Variants in RAP1GAP2 observed in about 807,000 individuals in gnomAD.
The protein encoded by RAP1GAP2 is rap1 GTPase-activating protein 2.
In RAP1GAP2, 27 loss-of-function variants were observed where a neutral mutation model predicts 95.0. The ratio of observed to expected loss-of-function variants is 0.28; its 90% CI spans 0.21 to 0.39. The LOEUF is 0.39. Among genes scored for constraint, RAP1GAP2 ranks in the 10% least tolerant of loss-of-function variants. The pLI, the probability that RAP1GAP2 is intolerant of heterozygous loss-of-function variation, is 1.00. For synonymous variants in RAP1GAP2, 373 were observed against 380.9 expected (o/e 0.98, Z 0.24); for missense variants, 771 against 970.0 (o/e 0.79, Z 2.72).
At chr17:2,781,591 CGTCTCTGTGTGTGCAG>C (rs1477820681) in intron 1 of RAP1GAP2, among the ~76,000 whole-genome samples, 16 of 111,760 alleles carry the variant, frequency 1.4e-4, no homozygotes, top group South Asian at 5.9e-4. Flanking sequence ...TGTGTGGGCA[CGTCTCTGTGTGTGCAG>C]GTCTCTGTGT....
chr17:2,830,758 C>G (rs894655273), intron 2 of RAP1GAP2, among the ~76,000 whole-genome samples: 2 of 151,862 alleles, frequency 1.3e-5, no homozygotes, highest in Non-Finnish European at 2.9e-5. Context: ...AGATTTTGAA[C>G]AGTAAATGTA....
chr17:2,941,738 G>A (rs2043507850), intron 3 of RAP1GAP2, among the ~76,000 whole-genome samples: 1 of 148,178 alleles, frequency 6.7e-6, no homozygotes, highest in South Asian at 2.2e-4. Context: ...GTGTGATCTC[G>A]GCTCACCGCA....
At chr17:2,949,299 CTG>C (rs377277852) in intron 3 of RAP1GAP2, among the ~76,000 whole-genome samples, 21 of 152,378 alleles carry the variant, frequency 1.4e-4, no homozygotes, top group African/African-American at 5.0e-4. Context: ...TTACATGCCT[CTG>C]TGAAAATCCA....
In RAP1GAP2 at chr17:2,857,618, G is replaced by A. The variant is rs1262968941; in HGVS notation, c.81-47666G>A. ...AAAAGCAGTGGCGTGTCTGAGAGGG[G>A]ATTGGGTTTGAGTATGGCTCCCAGG... On this transcript the variant is annotated intron_variant, in intron 2 of 24. Coordinates refer to ENST00000254695, the MANE Select transcript of RAP1GAP2 (RefSeq NM_015085.5). This position sits in a 1 kb window ranked among gnomAD's most constrained non-coding sequence, Gnocchi z 4.0. Among the ~76,000 whole-genome samples the A allele has an allele frequency of 6.6e-6, 1 of 152,204 alleles. No homozygotes were observed. The highest frequency in any genetic ancestry group is 2.4e-5 in the African/African-American group (1 of 41,432).
At chr17:2,851,451 T>C (rs1367753254) in intron 2 of RAP1GAP2, among the ~76,000 whole-genome samples, 1 of 152,092 alleles carries the variant, frequency 6.6e-6, no homozygotes, top group Non-Finnish European at 1.5e-5. Context: ...TGTGATGGGC[T>C]GTGGGGGCTG....
chr17:2,873,105 A>C (rs1349657741), intron 2 of RAP1GAP2, among the ~76,000 whole-genome samples: 3 of 150,660 alleles, frequency 2.0e-5, no homozygotes, highest in African/African-American at 7.3e-5. Context: ...TTTGTCTGAA[A>C]AAAAAAAAAA....
At chr17:2,975,047 G>C (rs988238528) in intron 8 of RAP1GAP2, among the ~76,000 whole-genome samples, 11 of 152,146 alleles carry the variant, frequency 7.2e-5, no homozygotes, top group Admixed American at 5.9e-4. Flanking sequence ...TGGCCAACAT[G>C]GCGAAACCCC....
At chr17:2,954,018 C>T (rs140400898) in intron 3 of RAP1GAP2, among the ~76,000 whole-genome samples, 1,781 of 152,234 alleles carry the variant, frequency 0.012, 35 homozygotes, top group African/African-American at 0.035. Context: ...CTTAAGCAAG[C>T]GCTCATCTTC....
rs769986685 is a variant in RAP1GAP2, at chr17:3,026,259, G to A, written c.1866-91G>A. ...AACACAAAGGCCGACGGGTGGGGGC[G>A]TGGGGAGCCGCCAGAGGTCCCGGGG... On this transcript the variant is annotated intron_variant, in intron 20 of 24. Transcript: ENST00000254695. The A allele has an allele frequency of 1.4e-5, 18 of 1,325,778 alleles. No individual in the cohort carries two copies. The Admixed American group carries it at 2.0e-4, about 15-fold the overall frequency. 82.1% of individuals were successfully genotyped at this position (1,325,778 alleles called of 1,614,324 possible). A position where few individuals can be genotyped will look rare whatever the true frequency, so the allele number is the denominator to read the frequency against.
intron 14 of RAP1GAP2, among the ~76,000 whole-genome samples, chr17:3,002,586 G>T (rs1400949266): frequency 1.3e-5 from 2 of 152,230 alleles, no homozygotes; most frequent in Admixed American, 6.5e-5. Context: ...AGGCTCAGGG[G>T]CTGTGGCAAA....
intron 2 of RAP1GAP2, among the ~76,000 whole-genome samples, chr17:2,828,310 C>T (rs1381645318): frequency 1.3e-5 from 2 of 151,442 alleles, no homozygotes; most frequent in African/African-American, 2.4e-5. Context: ...CATTGCACTC[C>T]AACCTGGGCG....
chr17:2,985,095 G>A (rs959188372), intron 11 of RAP1GAP2, 29 bp downstream of exon 11: 6 of 1,612,340 alleles, frequency 3.7e-6, no homozygotes, highest in East Asian at 4.5e-5. Context: ...ACCGGTGACT[G>A]TATCCCGTGG....
At chr17:2,853,701 G>C (rs1364675786) in intron 2 of RAP1GAP2, among the ~76,000 whole-genome samples, 2 of 147,110 alleles carry the variant, frequency 1.4e-5, no homozygotes, top group African/African-American at 4.9e-5. Flanking sequence ...GCGCGTCTGA[G>C]CGGGAGCCGG....
chr17:2,963,254 G>T lies in RAP1GAP2; in HGVS notation c.247-176G>T. On this transcript the variant is annotated intron_variant, in intron 5 of 24. Coordinates refer to ENST00000254695, the MANE Select transcript of RAP1GAP2 (RefSeq NM_015085.5). The surrounding 1 kb of genome is among the most constrained non-coding windows in gnomAD (Gnocchi z 4.8). Reference sequence around the variant, plus strand: ...GTTTATGTTTGGGTTCTGTCAGTTTGGAGAAGAACATGGGGGATGTTAGAT... The same window carrying T: ...GTTTATGTTTGGGTTCTGTCAGTTTTGAGAAGAACATGGGGGATGTTAGAT... The T allele has an allele frequency of 1.4e-6, 1 of 740,624 alleles. No homozygotes were observed. 45.9% of individuals were successfully genotyped at this position (740,624 alleles called of 1,614,324 possible). A position where few individuals can be genotyped will look rare whatever the true frequency, so the allele number is the denominator to read the frequency against.
rs1228192879 is a variant in RAP1GAP2 at position 3,035,343 on chromosome 17, A to C, written c.*1982A>C. The C allele has an allele frequency of 6.6e-6, 1 of 152,006 alleles. No homozygotes were observed. Among genetic ancestry groups the C allele is most frequent in the South Asian group, 2.1e-4 (1 of 4,824 alleles). The allele number at this position is 152,006 out of a possible 1,614,324, so 9.4% of individuals were successfully genotyped here. On this transcript the variant is annotated 3_prime_UTR_variant, in exon 25 of 25. Transcript: ENST00000254695. This position sits in a 1 kb window ranked among gnomAD's most constrained non-coding sequence, Gnocchi z 4.3. ...GCAGGATCTGGCTCGCCTCTGTGGG[A>C]AGCCGGCATTACAGGTGCTTGGTGG... is the stretch of plus-strand genomic sequence containing the variant.
At chr17:2,926,665 T>A (rs1031510110) in intron 3 of RAP1GAP2, among the ~76,000 whole-genome samples, 5 of 152,008 alleles carry the variant, frequency 3.3e-5, no homozygotes, top group African/African-American at 4.8e-5. Flanking sequence ...CATCTTACAG[T>A]TCTGAGGTTA....
intron 3 of RAP1GAP2, among the ~76,000 whole-genome samples, chr17:2,921,434 C>T (rs2042765973): frequency 6.6e-6 from 1 of 152,078 alleles, no homozygotes; most frequent in African/African-American, 2.4e-5. Context: ...AACTCCTGAT[C>T]TCAGGTGATC....
chr17:2,797,740 G>C lies in RAP1GAP2; in HGVS notation c.44+1169G>C. On this transcript the variant is annotated intron_variant, in intron 1 of 24. Transcript: ENST00000254695. The surrounding 1 kb of genome is among the most constrained non-coding windows in gnomAD (Gnocchi z 5.6). ...CACAGCGTCGCCTGTGTCTGCTCTC[G>C]GGCCCTCCCTGACGCCTGGATCTGG... 1 of 985,364 alleles carries C rather than the reference G, an allele frequency of 1.0e-6. No individual in the cohort carries two copies. Among genetic ancestry groups the C allele is most frequent in the Non-Finnish European group, 1.2e-6 (1 of 829,918 alleles). 61.0% of individuals were successfully genotyped at this position (985,364 alleles called of 1,614,324 possible). A position where few individuals can be genotyped will look rare whatever the true frequency, so the allele number is the denominator to read the frequency against.
At position 2,797,219 on chromosome 17, in the gene RAP1GAP2, C is replaced by G. The variant is rs1264704618; in HGVS notation, c.44+648C>G. On this transcript the variant is annotated intron_variant, in intron 1 of 24. Coordinates refer to ENST00000254695, the MANE Select transcript of RAP1GAP2 (RefSeq NM_015085.5). This position sits in a 1 kb window ranked among gnomAD's most constrained non-coding sequence, Gnocchi z 5.6. ...GCACCCCAGGCAGCCCACCCTAGCT[C>G]TGTCCTAGCCTGAGCAGCTGCATCT... Among the ~76,000 whole-genome samples, 1 of 152,198 alleles carries G rather than the reference C, an allele frequency of 6.6e-6. No homozygotes were observed. The highest frequency in any genetic ancestry group is 1.5e-5 in the Non-Finnish European group (1 of 68,044).
Sources: allele counts gnomAD v4.1 joint callset (sites outside exome capture counted in the v4.1 genomes callset), GRCh38; gene constraint gnomAD v4.1.1; non-coding constraint Gnocchi (gnomAD v3.1); transcripts MANE v1.5; gene names NCBI Gene and HGNC (gene_info 2026-07-23, HGNC 2026-07-21).